COL12A1: variants seen among roughly 807,000 people sequenced by gnomAD.
COL12A1 encodes the protein collagen type XII alpha 1 chain, also known as collagen alpha-1(XII) chain.
A neutral mutation model predicts 349.7 loss-of-function variants in COL12A1; 114 were observed. The ratio of observed to expected loss-of-function variants is 0.33; its 90% CI spans 0.28 to 0.38. The LOEUF (loss-of-function observed/expected upper bound fraction) is 0.38. Among genes scored for constraint, COL12A1 ranks in the 10% least tolerant of loss-of-function variants. The probability of loss-of-function intolerance (pLI) is 1.00; values close to 1 mark genes in which losing one functional copy is unlikely to be tolerated. For synonymous variants in COL12A1, 1,369 were observed against 1,329.0 expected, an observed-to-expected ratio of 1.03 and a Z score of -0.66; for missense variants, 3,284 against 3,756.9, an observed-to-expected ratio of 0.87 and a Z score of 3.29.
intron 14 of COL12A1, 32 bp downstream of exon 14, chr6:75,165,475 A>T (rs1420772885): frequency 6.2e-7 from 1 of 1,604,508 alleles, no homozygotes; most frequent in South Asian, 1.1e-5. Context: ...TAGCACCGGC[A>T]CACACCCAAA....
Position 75,090,365 on chromosome 6 carries a change from TTTCTC to T in COL12A1, c.8753-72_8753-68del. The T allele has an allele frequency of 6.9e-7, 1 of 1,452,872 alleles. No individual in the cohort carries two copies. The highest frequency in any genetic ancestry group is 1.4e-5 in the African/African-American group (1 of 71,204). 90.0% of individuals were successfully genotyped at this position (1,452,872 alleles called of 1,614,324 possible). A position where few individuals can be genotyped will look rare whatever the true frequency, so the allele number is the denominator to read the frequency against. ...AGGACGGATGAGAGAGTGAAACTGT[TTTCTC>T]TTAGTGTCTAGTGAAATCCATCTCC... On this transcript the variant is annotated intron_variant, in intron 62 of 65. Transcript: ENST00000322507. The surrounding 1 kb of genome is among the most constrained non-coding windows in gnomAD (Gnocchi z 4.1).
intron 58 of COL12A1, among the ~76,000 whole-genome samples, chr6:75,100,814 T>A (rs1768271759): frequency 6.6e-6 from 1 of 152,210 alleles, no homozygotes; most frequent in South Asian, 2.1e-4. Context: ...TCATATATTT[T>A]AACTTGATTG....
chr6:75,116,095 C>G (rs776036410), intron 47 of COL12A1, 38 bp from the exon 48 acceptor site: 9 of 1,595,490 alleles, frequency 5.6e-6, no homozygotes, highest in Non-Finnish European at 7.7e-6. Context: ...GATTCACCAA[C>G]ACGATGTACA....
chr6:75,204,782 T>TCACACACA (rs143188469), intron 1 of COL12A1, among the ~76,000 whole-genome samples: 2 of 149,840 alleles, frequency 1.3e-5, no homozygotes, highest in Non-Finnish European at 3.0e-5. Flanking sequence ...AAAAAGAAAA[T>TCACACACA]CACACACACA....
rs547168903 is a variant in COL12A1, at chr6:75,165,086, C to G, written c.2983+421G>C. Among the ~76,000 whole-genome samples, 8 of 152,148 alleles carry G rather than the reference C, an allele frequency of 5.3e-5. No homozygotes were observed. The East Asian group carries it at 1.5e-3, about 29-fold the overall frequency. On this transcript the variant is annotated intron_variant, in intron 14 of 65. Transcript: ENST00000322507. ...TTTGTATATTGCTATTTTATACAAT[C>G]CTCACAACTCTAAGAGACAAGATTT...
intron 13 of COL12A1, among the ~76,000 whole-genome samples, chr6:75,173,053 A>G (rs9360895): frequency 0.89 from 135,588 of 152,210 alleles, 61,170 homozygotes; most frequent in Non-Finnish European, 0.97. Flanking sequence ...TATCAGATCT[A>G]AAGTTAATAA....
chr6:75,090,610 A>T lies in COL12A1; in HGVS notation c.8753-312T>A, dbSNP rs1767713659. ...TGAGATTTACCAGGTGACATCACTCAAAAGAAAACCTTTTTTATAATTAGA... is the reference window on the plus strand; with the variant it reads ...TGAGATTTACCAGGTGACATCACTCTAAAGAAAACCTTTTTTATAATTAGA... On this transcript the variant is annotated intron_variant, in intron 62 of 65. Transcript: ENST00000322507. This position sits in a 1 kb window ranked among gnomAD's most constrained non-coding sequence, Gnocchi z 4.1. 6.6e-6 allele frequency among the ~76,000 whole-genome samples: 1 copy of T among 152,244 alleles called. No homozygotes were observed. Among genetic ancestry groups the T allele is most frequent in the African/African-American group, 2.4e-5 (1 of 41,468 alleles).
intron 5 of COL12A1, 41 bp downstream of exon 5, chr6:75,191,660 C>A (rs370182622): frequency 2.8e-6 from 4 of 1,439,236 alleles, no homozygotes; most frequent in Non-Finnish European, 3.8e-6. Context: ...ACATTTATGA[C>A]TTCCATGAAT....
At chr6:75,150,753 CCT>C (rs1767438642) in intron 21 of COL12A1, among the ~76,000 whole-genome samples, 1 of 152,040 alleles carries the variant, frequency 6.6e-6, no homozygotes, top group Admixed American at 6.6e-5. Flanking sequence ...TCTCTCCTTC[CCT>C]CTCTTCCTAC....
intron 24 of COL12A1, 88 bp from the exon 25 acceptor site, chr6:75,145,543 A>C (rs1482808219): frequency 5.2e-6 from 7 of 1,354,942 alleles, no homozygotes; most frequent in Non-Finnish European, 7.1e-6. Flanking sequence ...GTTTATTTGT[A>C]CTAGATTATA....
chr6:75,163,733 A>G (rs1768139101), intron 14 of COL12A1, among the ~76,000 whole-genome samples: 1 of 152,228 alleles, frequency 6.6e-6, no homozygotes, highest in East Asian at 1.9e-4. Context: ...CAATTAGCCA[A>G]GAAATATTGA....
At chr6:75,130,378 TG>T in intron 36 of COL12A1, 145 bp from the exon 37 acceptor site, 2 of 875,018 alleles carry the variant, frequency 2.3e-6, no homozygotes, top group Non-Finnish European at 3.4e-6. Context: ...ATGGTTTTAA[TG>T]TGAAATCATA....
At position 75,177,937 on chromosome 6, in the gene COL12A1, T is replaced by A; in HGVS notation, c.2165-2A>T. 1 of 1,583,554 alleles carries A rather than the reference T, an allele frequency of 6.3e-7. No homozygotes were observed. Among genetic ancestry groups the A allele is most frequent in the Admixed American group, 1.9e-5 (1 of 52,646 alleles). On this transcript the variant is annotated splice_acceptor_variant, in intron 11 of 65. Coordinates refer to ENST00000322507, the MANE Select transcript of COL12A1 (RefSeq NM_004370.6). LOFTEE classifies it high-confidence loss of function. The stretch of plus-strand genomic sequence containing the variant: ...TTAGGTTTCGAGGTGCTCCTTTTAC[T>A]GAAATAAAAAAGGAAAAATAGATTT...
rs866698694 is a variant in COL12A1 at position 75,197,329 on chromosome 6, T to G, written c.74-2382A>C. 2.9e-3 allele frequency among the ~76,000 whole-genome samples: 425 copies of G among 147,562 alleles called. 2 individuals carry two copies. Among genetic ancestry groups the G allele is most frequent in the African/African-American group, 0.01 (408 of 39,122 alleles). On this transcript the variant is annotated intron_variant, in intron 2 of 65. Transcript: ENST00000322507. ...TTTTCTTTTCTTTTTTTTTTTTTTT[T>G]GAGACGGAGTTTCGCTCTTGTTGCC...
rs367630003 is a variant in COL12A1 at position 75,183,470 on chromosome 6, C to G, written c.1471G>C (p.Glu491Gln). 1.9e-4 allele frequency: 300 copies of G among 1,614,062 alleles called. No homozygotes were observed. The highest frequency in any genetic ancestry group is 2.4e-4 in the Non-Finnish European group (283 of 1,180,046). ...LVQYSRDPHT[E>Q]FTLKKFTKVE... ...TTGGTGAATTTTTTCAAAGTGAACTCAGTATGAGGATCCCGGCTGTATTGC... is the reference window on the plus strand; with the variant it reads ...TTGGTGAATTTTTTCAAAGTGAACTGAGTATGAGGATCCCGGCTGTATTGC... The change falls in exon 10 of 66, where the codon GAG (glutamate) becomes CAG (glutamine). Residue 491 changes from glutamate to glutamine, a missense_variant. Physicochemically the swap from Glu to Gln is conservative, Grantham distance 29. Coordinates refer to ENST00000322507, the MANE Select transcript of COL12A1 (RefSeq NM_004370.6).
chr6:75,105,331 G>A, intron 53 of COL12A1, 39 bp from the exon 54 acceptor site: 3 of 1,526,814 alleles, frequency 2.0e-6, no homozygotes, highest in South Asian at 1.2e-5. Flanking sequence ...TAAATTTAGA[G>A]GAAAAAAATG....
At chr6:75,154,270 AT>A (rs531308097) in intron 17 of COL12A1, 145 bp downstream of exon 17, 5 of 917,258 alleles carry the variant, frequency 5.5e-6, no homozygotes, top group South Asian at 2.8e-5. Context: ...TGTTTGAAGA[AT>A]TTTTTTGCTA....
Position 75,177,855 on chromosome 6 carries a change from T to C in COL12A1, c.2245A>G (p.Arg749Gly). The change falls in exon 12 of 66, where the codon AGA becomes GGA. Residue 749 changes from arginine (R) to glycine (G), a missense_variant. Transcript: ENST00000322507. ...TATATAATTCGATATCTTAAAACTC[T>C]CCCTGGAGCTTGAGTCCAAGTAATT... Reference protein sequence around the residue: ...FKITWTQAPGRVLRYRIIYRP... With the variant: ...FKITWTQAPGGVLRYRIIYRP... The C allele has an allele frequency of 6.2e-7, 1 of 1,614,046 alleles. No individual in the cohort carries two copies.
At chr6:75,188,945 A>G (rs1420551911) in intron 7 of COL12A1, among the ~76,000 whole-genome samples, 1 of 152,134 alleles carries the variant, frequency 6.6e-6, no homozygotes, top group African/African-American at 2.4e-5. Flanking sequence ...TCTTTATTAG[A>G]ATCATTGGCC....
Sources: allele counts gnomAD v4.1 joint callset (sites outside exome capture counted in the v4.1 genomes callset), GRCh38; gene constraint gnomAD v4.1.1; non-coding constraint Gnocchi (gnomAD v3.1); transcripts MANE v1.5; gene names NCBI Gene and HGNC (gene_info 2026-07-23, HGNC 2026-07-21).